ELP3: variants seen among roughly 807,000 people sequenced by gnomAD.
ELP3 encodes elongator complex protein 3.
Under a neutral mutation model 74.9 loss-of-function variants are expected in ELP3, and 56 were observed. The observed-to-expected ratio is 0.75, with a 90% confidence interval of 0.60 to 0.93. ELP3 has a LOEUF of 0.93. Among genes scored for constraint, ELP3 ranks in the 40% least tolerant of loss-of-function variants. The pLI is 0.00. For missense variants in ELP3, 573 were observed against 686.5 expected (o/e 0.83, Z 1.85); for synonymous variants, 222 against 239.8 (o/e 0.93, Z 0.68).
chr8:28,106,687 C>G, intron 3 of ELP3, 26 bp from the exon 4 acceptor site: 2 of 1,596,852 alleles, frequency 1.3e-6, no homozygotes, highest in Non-Finnish European at 1.7e-6. Context: ...CCTATAATAG[C>G]TTTTTTATTC....
At position 28,131,099 on chromosome 8, in the gene ELP3, A is replaced by G. The variant is rs142997117; in HGVS notation, c.780-1179A>G. ...TACGAGGCTGTTACAGAAATTAAGC[A>G]GGAAATACTGATGTCCTGGAAAGAA... On this transcript the variant is annotated intron_variant, in intron 8 of 14. Transcript: ENST00000256398. Among the ~76,000 whole-genome samples, 30 of 152,356 alleles carry G rather than the reference A, an allele frequency of 2.0e-4. 1 individual carries two copies. Among genetic ancestry groups the G allele is most frequent in the Admixed American group, 5.9e-4 (9 of 15,310 alleles).
rs769394752 is a variant in ELP3, at chr8:28,137,813, C to T, written c.1022C>T (p.Ser341Phe). ...AAATCAGGAAGATATAAGAGTTACT[C>T]TCCTAGTGACCTGGTTGAATTGGTG... ...LWKSGRYKSY[S>F]PSDLVELVAR... The change falls in exon 10 of 15, where the codon TCT becomes TTT. Residue 341 changes from serine to phenylalanine, a missense_variant. Physicochemically the swap from Ser to Phe is radical, Grantham distance 155. Transcript: ENST00000256398. 1 of 1,614,106 alleles carries T rather than the reference C, an allele frequency of 6.2e-7. No individual in the cohort carries two copies. The highest frequency in any genetic ancestry group is 1.1e-5 in the South Asian group (1 of 91,066).
At chr8:28,159,788 A>G (rs73226800) in intron 12 of ELP3, among the ~76,000 whole-genome samples, 14,712 of 152,226 alleles carry the variant, frequency 0.097, 1,000 homozygotes, top group Non-Finnish European at 0.14. Context: ...TTCTTCCCCA[A>G]AGATAGGTTT....
At chr8:28,107,868 C>T in intron 4 of ELP3, 45 bp from the exon 5 acceptor site, 23 of 1,523,786 alleles carry the variant, frequency 1.5e-5, no homozygotes, top group Non-Finnish European at 2.1e-5. Flanking sequence ...GCTGATTGAA[C>T]TCAGTTTTGC....
At chr8:28,108,969 G>C (rs1391003028) in intron 5 of ELP3, among the ~76,000 whole-genome samples, 1 of 151,968 alleles carries the variant, frequency 6.6e-6, no homozygotes, top group Admixed American at 6.6e-5. Context: ...ATGTGAAAGG[G>C]GCATTCCTAG....
rs1193778868 is a variant in ELP3 at position 28,093,140 on chromosome 8, G to T, written c.-75G>T. ...TTACGACAGGCGGGATTGTTTTGTG[G>T]CTGTCAGCTTTCCCCGTGGTCTGAG... On this transcript the variant is annotated 5_prime_UTR_variant, in exon 1 of 15. Transcript: ENST00000256398. 1.3e-6 allele frequency: 2 copies of T among 1,588,582 alleles called. No individual in the cohort carries two copies. Among genetic ancestry groups the T allele is most frequent in the Non-Finnish European group, 1.7e-6 (2 of 1,168,156 alleles).
intron 7 of ELP3, among the ~76,000 whole-genome samples, chr8:28,125,533 A>T (rs1812537673): frequency 6.6e-6 from 1 of 152,176 alleles, no homozygotes; most frequent in Non-Finnish European, 1.5e-5. Context: ...GAAACAAAAG[A>T]TAGTTTCCAG....
intron 2 of ELP3, among the ~76,000 whole-genome samples, chr8:28,097,843 G>A (rs771852643): frequency 3.3e-5 from 5 of 152,174 alleles, no homozygotes; most frequent in Non-Finnish European, 5.9e-5. Flanking sequence ...CTGTGAGATA[G>A]GTACTGATAC....
chr8:28,097,897 A>T (rs1811317467), intron 2 of ELP3, among the ~76,000 whole-genome samples: 1 of 152,176 alleles, frequency 6.6e-6, no homozygotes. Context: ...GAGAGCAGTT[A>T]AATAATTTGT....
At chr8:28,183,543 C>T (rs1312994199) in intron 14 of ELP3, among the ~76,000 whole-genome samples, 3 of 152,168 alleles carry the variant, frequency 2.0e-5, no homozygotes. Flanking sequence ...CACCCCTCAG[C>T]CTCACGAGTA....
chr8:28,182,397 T>C (rs1815050240), intron 14 of ELP3, among the ~76,000 whole-genome samples: 1 of 152,038 alleles, frequency 6.6e-6, no homozygotes. Context: ...CTGTCTCCAC[T>C]AAAAATACAA....
At chr8:28,098,888 A>G (rs1258312539) in intron 2 of ELP3, among the ~76,000 whole-genome samples, 1 of 152,224 alleles carries the variant, frequency 6.6e-6, no homozygotes, top group East Asian at 1.9e-4. Context: ...CCCAGCACAC[A>G]TCAGATTCCT....
intron 14 of ELP3, among the ~76,000 whole-genome samples, chr8:28,172,472 A>T (rs1322115084): frequency 6.6e-6 from 1 of 151,992 alleles, no homozygotes; most frequent in Non-Finnish European, 1.5e-5. Flanking sequence ...AATAAAACTG[A>T]TTTTTCTTCC....
At chr8:28,183,097 AATTG>A in intron 14 of ELP3, 1 of 455,766 alleles carries the variant, frequency 2.2e-6, no homozygotes, top group Non-Finnish European at 4.4e-6. Context: ...GTCTATCTAT[AATTG>A]ATCTAAAGTG....
chr8:28,181,680 G>T (rs1288920003), intron 14 of ELP3, among the ~76,000 whole-genome samples: 2 of 152,230 alleles, frequency 1.3e-5, no homozygotes, highest in African/African-American at 2.4e-5. Flanking sequence ...AGAGTCAGGG[G>T]AGTTGAGTGG....
Position 28,103,363 on chromosome 8 carries a change from A to G in ELP3, c.259-3350A>G, listed in dbSNP as rs76091020. Among the ~76,000 whole-genome samples the G allele has an allele frequency of 6.6e-3, 999 of 152,276 alleles. 6 individuals carry two copies. Among genetic ancestry groups the G allele is most frequent in the African/African-American group, 0.021 (856 of 41,554 alleles). ...TTAGCAATATGCATTGAAGTCTGCCATGTCTTTTTGTGACTTGGTAGCTCA... is the reference window on the plus strand; with the variant it reads ...TTAGCAATATGCATTGAAGTCTGCCGTGTCTTTTTGTGACTTGGTAGCTCA... On this transcript the variant is annotated intron_variant, in intron 3 of 14. Coordinates refer to ENST00000256398, the MANE Select transcript of ELP3 (RefSeq NM_018091.6).
intron 6 of ELP3, among the ~76,000 whole-genome samples, chr8:28,112,285 G>A (rs1811948491): frequency 1.3e-5 from 2 of 151,582 alleles, no homozygotes; most frequent in Admixed American, 1.3e-4. Context: ...CTGGGATTAC[G>A]GCATGTCTGG....
chr8:28,177,435 A>G (rs1814804333), intron 14 of ELP3, among the ~76,000 whole-genome samples: 1 of 152,248 alleles, frequency 6.6e-6, no homozygotes. Context: ...ACTAATGAAT[A>G]TATTTCCTTG....
chr8:28,136,619 G>A (rs1051602857), intron 9 of ELP3, among the ~76,000 whole-genome samples: 2 of 152,226 alleles, frequency 1.3e-5, no homozygotes, highest in African/African-American at 4.8e-5. Flanking sequence ...ATTTAAGAAC[G>A]TGACAGATGT....
Sources: gnomAD v4.1 joint callset for allele counts (sites outside exome capture counted in the v4.1 genomes callset) on GRCh38, gnomAD v4.1.1 for gene constraint, MANE v1.5 for transcripts, NCBI Gene and HGNC (gene_info 2026-07-23, HGNC 2026-07-21) for gene names.